Variants in TMEM63C observed in about 807,000 individuals in gnomAD.
TMEM63C encodes the protein transmembrane protein 63C, also known as osmosensitive cation channel TMEM63C.
In TMEM63C, 32 loss-of-function variants were observed where a neutral mutation model predicts 99.2. That is an observed-to-expected ratio of 0.32 (90% CI 0.24 to 0.43). The LOEUF is 0.43. Ranked by LOEUF, TMEM63C falls within the 20% of genes least tolerant of loss-of-function variation. TMEM63C has a pLI of 1.00. For missense variants in TMEM63C, 826 were observed against 1,053.0 expected (o/e 0.78, Z 2.98); for synonymous variants, 376 against 397.9 (o/e 0.94, Z 0.66).
intron 1 of TMEM63C, among the ~76,000 whole-genome samples, chr14:77,203,239 G>A (rs1355240011): frequency 1.3e-5 from 2 of 149,968 alleles, no homozygotes; most frequent in South Asian, 2.1e-4. Context: ...TTAGCCGGCC[G>A]GGCATGGTGG....
rs755705745 is a variant in TMEM63C, at chr14:77,236,595, C to A, written c.543-29C>A. The A allele has an allele frequency of 2.6e-6, 4 of 1,515,432 alleles. No homozygotes were observed. The Admixed American group carries it at 6.7e-5, about 25-fold the overall frequency. 93.9% of individuals were successfully genotyped at this position (1,515,432 alleles called of 1,614,324 possible). ...GGGCTCTGGGGAGCTCACAGGCTGA[C>A]CTCACTGCTGCTGCCTCCCTCCCTG... is the stretch of plus-strand genomic sequence containing the variant. On this transcript the variant is annotated intron_variant, in intron 8 of 23. Coordinates refer to ENST00000298351, the MANE Select transcript of TMEM63C (RefSeq NM_020431.4).
intron 1 of TMEM63C, among the ~76,000 whole-genome samples, chr14:77,194,557 T>TTCTTTTTCTTTCTG (rs1555346145): frequency 8.4e-6 from 1 of 118,570 alleles, no homozygotes; most frequent in Non-Finnish European, 1.7e-5. Context: ...TTCTTTCTCT[T>TTCTTTTTCTTTCTG]TCTTTCTTTC....
intron 6 of TMEM63C, among the ~76,000 whole-genome samples, chr14:77,231,009 A>G (rs916469814): frequency 1.3e-5 from 2 of 152,178 alleles, no homozygotes; most frequent in Non-Finnish European, 2.9e-5. Context: ...ATGTGCATGT[A>G]TTCCATTTCA....
Position 77,257,081 on chromosome 14 carries a change from C to T in TMEM63C, c.*355C>T. On this transcript the variant is annotated 3_prime_UTR_variant, in exon 24 of 24. Transcript: ENST00000298351. ...TAAGGGAGGAGACAGAAGGAGGCTGCCGAAGGCTCTGTGGGGTCATCACCA... is the reference window on the plus strand; with the variant it reads ...TAAGGGAGGAGACAGAAGGAGGCTGTCGAAGGCTCTGTGGGGTCATCACCA... 2 of 239,442 alleles carry T rather than the reference C, an allele frequency of 8.4e-6. No individual in the cohort carries two copies. The highest frequency in any genetic ancestry group is 5.1e-5 in the Admixed American group (1 of 19,548). 14.8% of individuals were successfully genotyped at this position (239,442 alleles called of 1,614,324 possible). A position where few individuals can be genotyped will look rare whatever the true frequency, so the allele number is the denominator to read the frequency against.
chr14:77,255,112 T>C (rs970104592), intron 23 of TMEM63C, among the ~76,000 whole-genome samples: 2 of 152,202 alleles, frequency 1.3e-5, no homozygotes, highest in African/African-American at 2.4e-5. Flanking sequence ...TGTCTCAGCC[T>C]CCCGAGTAGC....
chr14:77,207,691 A>G (rs1888426026), intron 1 of TMEM63C, among the ~76,000 whole-genome samples: 1 of 152,116 alleles, frequency 6.6e-6, no homozygotes. Context: ...TTAGGCTGCT[A>G]CCTCTCATGT....
intron 6 of TMEM63C, among the ~76,000 whole-genome samples, chr14:77,227,607 C>G (rs78467343): frequency 0.02 from 3,028 of 152,224 alleles, 91 homozygotes; most frequent in African/African-American, 0.069. Context: ...GGATGTAAGA[C>G]CAGAAGCGGC....
chr14:77,208,970 T>C (rs1368867912), intron 1 of TMEM63C, among the ~76,000 whole-genome samples: 2 of 151,578 alleles, frequency 1.3e-5, no homozygotes, highest in East Asian at 3.9e-4. Flanking sequence ...AAGGTGGAAC[T>C]GCAATCCTCT....
intron 2 of TMEM63C, among the ~76,000 whole-genome samples, chr14:77,215,614 A>AAAAAAAG (rs772701077): frequency 6.1e-4 from 47 of 76,556 alleles, no homozygotes; most frequent in African/African-American, 2.5e-3. Context: ...AAAAAAAAAA[A>AAAAAAAG]AAAAGAAAAG....
rs377757196 is a variant in TMEM63C at position 77,253,305 on chromosome 14, C to A, written c.2149C>A (p.Pro717Thr). The A allele has an allele frequency of 6.2e-7, 1 of 1,612,740 alleles. No homozygotes were observed. Among genetic ancestry groups the A allele is most frequent in the East Asian group, 2.2e-5 (1 of 44,866 alleles). The change falls in exon 23 of 24, where the codon CCC becomes ACC. Residue 717 changes from proline (P) to threonine (T), a missense_variant and splice_region_variant. By Grantham distance (38) the Pro-to-Thr change is conservative. Coordinates refer to ENST00000298351, the MANE Select transcript of TMEM63C (RefSeq NM_020431.4). ...AACCCACCACCTCTCCCTGCTGCAG[C>A]CCGAGGAGGAGGAGATCCAGACAGT... ...GKLRMVADYE[P>T]EEEEIQTVFD...
intron 2 of TMEM63C, 110 bp downstream of exon 2, chr14:77,213,618 G>A (rs1164795039): frequency 6.6e-6 from 1 of 152,276 alleles, no homozygotes; most frequent in East Asian, 1.9e-4. Context: ...CAGAACTGCA[G>A]CCTCCTGCCT....
intron 1 of TMEM63C, among the ~76,000 whole-genome samples, chr14:77,193,540 A>G (rs534495059): frequency 2.3e-4 from 35 of 151,978 alleles, no homozygotes; most frequent in Admixed American, 2.2e-3. Flanking sequence ...TACAAAAATT[A>G]AAAAAAAATT....
intron 1 of TMEM63C, among the ~76,000 whole-genome samples, chr14:77,212,942 TC>T (rs1888516293): frequency 6.6e-6 from 1 of 152,116 alleles, no homozygotes; most frequent in African/African-American, 2.4e-5. Flanking sequence ...AGCAGTCCTC[TC>T]CCTAACCCCA....
At chr14:77,183,782 G>A (rs1259918906) in intron 1 of TMEM63C, among the ~76,000 whole-genome samples, 1 of 152,178 alleles carries the variant, frequency 6.6e-6, no homozygotes, top group Non-Finnish European at 1.5e-5. Context: ...GAGCTGCTGG[G>A]GTGACCTGTG....
intron 18 of TMEM63C, among the ~76,000 whole-genome samples, chr14:77,246,880 G>T (rs555673357): frequency 3.3e-5 from 5 of 152,310 alleles, no homozygotes; most frequent in African/African-American, 1.2e-4. Context: ...TTCTCAGAAT[G>T]ATATCTTTGA....
chr14:77,236,918 C>T (rs2140122960), intron 9 of TMEM63C, among the ~76,000 whole-genome samples, 186 bp downstream of exon 9: 1 of 151,558 alleles, frequency 6.6e-6, no homozygotes, highest in South Asian at 2.1e-4. Context: ...ATCACCTGGC[C>T]CCCACCTCTC....
intron 1 of TMEM63C, among the ~76,000 whole-genome samples, chr14:77,208,956 A>G (rs563186468): frequency 1.1e-4 from 17 of 152,010 alleles, no homozygotes; most frequent in African/African-American, 2.7e-4. Context: ...CGTGGGCCCA[A>G]TGGAAGGTGG....
chr14:77,185,367 C>G (rs1410165625), intron 1 of TMEM63C, among the ~76,000 whole-genome samples: 1 of 152,210 alleles, frequency 6.6e-6, no homozygotes. Flanking sequence ...ACTGTCCCCT[C>G]CCCATTACTG....
At chr14:77,207,335 G>A (rs1178597771) in intron 1 of TMEM63C, among the ~76,000 whole-genome samples, 1 of 152,224 alleles carries the variant, frequency 6.6e-6, no homozygotes, top group Non-Finnish European at 1.5e-5. Flanking sequence ...GTGTTAAGAG[G>A]ATAAGTTTCT....
Sources: allele counts gnomAD v4.1 joint callset (sites outside exome capture counted in the v4.1 genomes callset), GRCh38; gene constraint gnomAD v4.1.1; transcripts MANE v1.5; gene names NCBI Gene and HGNC (gene_info 2026-07-23, HGNC 2026-07-21).